EPB41L4B: variants seen among roughly 807,000 people sequenced by gnomAD.
The protein encoded by EPB41L4B is band 4.1-like protein 4B.
Under a neutral mutation model 112.5 loss-of-function variants are expected in EPB41L4B, and 30 were observed. The ratio of observed to expected loss-of-function variants is 0.27; its 90% CI spans 0.20 to 0.36. The LOEUF (loss-of-function observed/expected upper bound fraction) is 0.36. Ranked by LOEUF, EPB41L4B falls within the 10% of genes least tolerant of loss-of-function variation. EPB41L4B has a pLI of 1.00. For synonymous variants in EPB41L4B, 408 were observed against 439.7 expected (o/e 0.93, Z 0.90); for missense variants, 1,024 against 1,133.3 (o/e 0.90, Z 1.38).
intron 17 of EPB41L4B, among the ~76,000 whole-genome samples, chr9:109,209,615 C>G (rs1396176370): frequency 6.6e-6 from 1 of 150,390 alleles, no homozygotes; most frequent in Non-Finnish European, 1.5e-5. Context: ...CCACTGCACT[C>G]CAGCATGGGC....
In EPB41L4B at chr9:109,192,201, C is replaced by T. The variant is rs1362280712; in HGVS notation, c.2301+77G>A. On this transcript the variant is annotated intron_variant, in intron 22 of 25. Transcript: ENST00000374566. ...GAGGCTCCTCAACAGCAATGCCCAC[C>T]TCTGTCCATCCGTCCCACTGCCAAG... 2.5e-6 allele frequency: 3 copies of T among 1,179,266 alleles called. No homozygotes were observed. The East Asian group carries it at 7.2e-5, about 28-fold the overall frequency. The allele number at this position is 1,179,266 out of a possible 1,614,324, so 73.1% of individuals were successfully genotyped here. A position where few individuals can be genotyped will look rare whatever the true frequency, so the allele number is the denominator to read the frequency against.
At position 109,243,625 on chromosome 9, in the gene EPB41L4B, T is replaced by C. The variant is rs1174061356; in HGVS notation, c.1402A>G (p.Asn468Asp). 10 of 1,614,098 alleles carry C rather than the reference T, an allele frequency of 6.2e-6. No homozygotes were observed. The highest frequency in any genetic ancestry group is 8.5e-6 in the Non-Finnish European group (10 of 1,179,976). Residue 468 changes from asparagine to aspartate, a missense_variant, in exon 15 of 26, where the codon AAT (asparagine) becomes GAT (aspartate). Physicochemically the swap from Asn to Asp is conservative, Grantham distance 23. Coordinates refer to ENST00000374566, the MANE Select transcript of EPB41L4B (RefSeq NM_019114.5). ...SQPRWHPHSP[N>D]VSYPLPSPVL... is the part of the protein sequence containing the mutation. ...GGAAGCACCAGCACTTACCTGACATTTGGAGAGTGAGGATGCCACCGGGGC... is the reference window on the plus strand; with the variant it reads ...GGAAGCACCAGCACTTACCTGACATCTGGAGAGTGAGGATGCCACCGGGGC...
rs1183808806 is a variant in EPB41L4B at position 109,306,632 on chromosome 9, AAAC to A, written c.306+13506_306+13508del. Among the ~76,000 whole-genome samples, 1,079 of 151,866 alleles carry A rather than the reference AAAC, an allele frequency of 7.1e-3. 27 individuals carry two copies. The East Asian group carries it at 0.092, about 13-fold the overall frequency. ...AAAACAAACAAACAAACAAACAAAC[AAAC>A]AAAAAAACATTCTGGTGAAGGGGTC... On this transcript the variant is annotated intron_variant, in intron 1 of 25. Transcript: ENST00000374566.
At chr9:109,284,625 G>A (rs1024381228) in intron 1 of EPB41L4B, among the ~76,000 whole-genome samples, 3 of 152,154 alleles carry the variant, frequency 2.0e-5, no homozygotes, top group Admixed American at 2.0e-4. Flanking sequence ...GTTGCCCATG[G>A]TGGTCTTAAA....
intron 4 of EPB41L4B, among the ~76,000 whole-genome samples, chr9:109,267,156 AAT>A (rs747018062): frequency 6.6e-6 from 1 of 152,212 alleles, no homozygotes; most frequent in Non-Finnish European, 1.5e-5. Context: ...ATGCTTTTCC[AAT>A]ATCTGCCTTC....
rs565081958 is a variant in EPB41L4B, at chr9:109,291,821, G to A, written c.307-11900C>T. On this transcript the variant is annotated intron_variant, in intron 1 of 25. Transcript: ENST00000374566. ...GTGCTGTAGATGGCCCAGACAGGCA[G>A]ATTCTAGGCTCAACTGTTCCACCAC... Among the ~76,000 whole-genome samples the A allele has an allele frequency of 3.3e-5, 5 of 152,188 alleles. No homozygotes were observed. The South Asian group carries it at 1.0e-3, about 32-fold the overall frequency.
chr9:109,265,590 G>A (rs1044829345), intron 4 of EPB41L4B, among the ~76,000 whole-genome samples: 1 of 151,922 alleles, frequency 6.6e-6, no homozygotes, highest in Admixed American at 6.6e-5. Flanking sequence ...AAAAATCCTG[G>A]CACTGGACTG....
At chr9:109,204,761 T>C (rs571777183) in intron 18 of EPB41L4B, among the ~76,000 whole-genome samples, 1 of 152,312 alleles carries the variant, frequency 6.6e-6, no homozygotes, top group East Asian at 1.9e-4. Flanking sequence ...CCTCCCAAAA[T>C]TCTGGGATTA....
chr9:109,282,671 AACCACTCAG>A (rs1836112881), intron 1 of EPB41L4B, among the ~76,000 whole-genome samples: 1 of 152,120 alleles, frequency 6.6e-6, no homozygotes, highest in Non-Finnish European at 1.5e-5. Flanking sequence ...AGCCTGTGAG[AACCACTCAG>A]GACAAATGAT....
intron 1 of EPB41L4B, among the ~76,000 whole-genome samples, chr9:109,290,238 T>C (rs1284544450): frequency 6.6e-6 from 1 of 152,188 alleles, no homozygotes; most frequent in East Asian, 1.9e-4. Flanking sequence ...TGCTAAATCA[T>C]GCTAATAATG....
chr9:109,213,616 T>A, intron 17 of EPB41L4B, 84 bp downstream of exon 17: 1 of 1,137,366 alleles, frequency 8.8e-7, no homozygotes, highest in Non-Finnish European at 1.3e-6. Context: ...AGGCACTTGG[T>A]TTAGCAGGCA....
chr9:109,313,798 G>C (rs1031180032), intron 1 of EPB41L4B, among the ~76,000 whole-genome samples: 1 of 152,250 alleles, frequency 6.6e-6, no homozygotes, highest in South Asian at 2.1e-4. Context: ...GCTCCAAGTC[G>C]ACCATCCTTA....
At chr9:109,220,241 A>G (rs1040021448) in intron 15 of EPB41L4B, among the ~76,000 whole-genome samples, 7 of 152,212 alleles carry the variant, frequency 4.6e-5, no homozygotes, top group Non-Finnish European at 1.0e-4. Context: ...TTCCAGGCCT[A>G]AGGAATAGCA....
At chr9:109,254,382 C>T (rs967776058) in intron 11 of EPB41L4B, among the ~76,000 whole-genome samples, 12 of 151,858 alleles carry the variant, frequency 7.9e-5, no homozygotes, top group Non-Finnish European at 1.6e-4. Context: ...GGTCTTCCCC[C>T]CACCCCGCCC....
At chr9:109,295,558 T>A (rs1029240072) in intron 1 of EPB41L4B, among the ~76,000 whole-genome samples, 2 of 152,120 alleles carry the variant, frequency 1.3e-5, no homozygotes, top group East Asian at 1.9e-4. Flanking sequence ...ATGGAAAAAG[T>A]GAGGCAAGAG....
chr9:109,217,802 G>A (rs958751853), intron 15 of EPB41L4B, among the ~76,000 whole-genome samples: 2 of 152,004 alleles, frequency 1.3e-5, no homozygotes, highest in African/African-American at 4.8e-5. Flanking sequence ...CAAACTCCTG[G>A]GCTCAAGTGG....
chr9:109,257,702 A>C (rs1835034217), intron 7 of EPB41L4B, among the ~76,000 whole-genome samples: 3 of 152,082 alleles, frequency 2.0e-5, no homozygotes, highest in Admixed American at 2.0e-4. Context: ...CACATCTCTT[A>C]AGAGACAGAC....
intron 12 of EPB41L4B, among the ~76,000 whole-genome samples, chr9:109,253,160 G>A (rs1036711941): frequency 2.6e-5 from 4 of 152,146 alleles, no homozygotes; most frequent in African/African-American, 9.7e-5. Context: ...CTGAGGTACC[G>A]GGGCTTGAGC....
chr9:109,205,447 C>T (rs1832963988), intron 18 of EPB41L4B, among the ~76,000 whole-genome samples: 2 of 152,190 alleles, frequency 1.3e-5, no homozygotes, highest in Non-Finnish European at 1.5e-5. Context: ...GAACATGTTA[C>T]AACTTTCTAA....
Sources: allele counts gnomAD v4.1 joint callset (sites outside exome capture counted in the v4.1 genomes callset), GRCh38; gene constraint gnomAD v4.1.1; transcripts MANE v1.5; gene names NCBI Gene and HGNC (gene_info 2026-07-23, HGNC 2026-07-21).